Variants in GPR35 observed in about 807,000 individuals in gnomAD.
The protein encoded by GPR35 is KYNA receptor.
For synonymous variants in GPR35, 207 were observed against 198.4 expected, an observed-to-expected ratio of 1.04 and a Z score of -0.36; for missense variants, 372 against 422.5, an observed-to-expected ratio of 0.88 and a Z score of 1.05.
At chr2:240,606,188 C>G (rs1038572982) in intron 1 of GPR35, among the ~76,000 whole-genome samples, 1 of 152,208 alleles carries the variant, frequency 6.6e-6, no homozygotes, top group Admixed American at 6.5e-5. Flanking sequence ...GGGAACATGG[C>G]ACCAGGTTTA....
chr2:240,624,889 G>A (rs2043351511), upstream of GPR35, among the ~76,000 whole-genome samples: 1 of 152,182 alleles, frequency 6.6e-6, no homozygotes, highest in East Asian at 1.9e-4. Flanking sequence ...CTTGGAGGAG[G>A]GGCCGGTGGC....
In GPR35 at chr2:240,609,964, CT is replaced by C. The variant is rs879882240; in HGVS notation, c.-577+3365del. Among the ~76,000 whole-genome samples the C allele has an allele frequency of 3.7e-3, 529 of 144,376 alleles. 2 individuals carry two copies. The highest frequency in any genetic ancestry group is 0.035 in the Middle Eastern group (10 of 282). The allele number at this position is 144,376 out of a possible 152,430, so 94.7% of individuals were successfully genotyped here. A position where few individuals can be genotyped will look rare whatever the true frequency, so the allele number is the denominator to read the frequency against. ...TGACCCTTTTTTCATATGAAATATC[CT>C]TTTTTTTTTTTTGAGATGGAGTCTC... On this transcript the variant is annotated intron_variant, in intron 2 of 5. Transcript: ENST00000319838.
chr2:240,613,995 A>G (rs367889592), intron 2 of GPR35, among the ~76,000 whole-genome samples: 5 of 151,090 alleles, frequency 3.3e-5, no homozygotes, highest in Non-Finnish European at 7.4e-5. Context: ...ACCAACTACA[A>G]CCCTAACCCT....
At chr2:240,624,009 T>TA (rs2043339237), upstream of GPR35, among the ~76,000 whole-genome samples, 1 of 93,492 alleles carries the variant, frequency 1.1e-5, no homozygotes, top group South Asian at 3.3e-4. Flanking sequence ...GGCCTGGTGG[T>TA]GGGGGGGGTG....
At chr2:240,613,323 G>T (rs1024724622) in intron 2 of GPR35, among the ~76,000 whole-genome samples, 2 of 152,128 alleles carry the variant, frequency 1.3e-5, no homozygotes, top group Non-Finnish European at 2.9e-5. Context: ...GGTGGAGAGG[G>T]GAGTGTTGGA....
rs1228450091 is a variant in GPR35, at chr2:240,619,062, G to T, written c.-5+31G>T. The T allele has an allele frequency of 5.7e-6, 4 of 697,440 alleles. 1 individual carries two copies. In the Admixed American group the frequency reaches 8.2e-5, roughly 14 times the overall value. The allele number at this position is 697,440 out of a possible 1,614,324, so 43.2% of individuals were successfully genotyped here. ...TACATTCCTAGAAGTGGGGTTATTG[G>T]GTCAAAGAGTAAATGCATCTCTAAT... On this transcript the variant is annotated intron_variant, in intron 5 of 5. Coordinates refer to the GPR35 transcript ENST00000319838.
At chr2:240,624,391 G>GA (rs1190725683), upstream of GPR35, among the ~76,000 whole-genome samples, 3 of 152,218 alleles carry the variant, frequency 2.0e-5, no homozygotes, top group African/African-American at 7.2e-5. Context: ...ACAGCAGGAG[G>GA]AAGCAGGAAG....
At chr2:240,622,893 C>A (rs1462226508), upstream of GPR35, among the ~76,000 whole-genome samples, 1 of 152,200 alleles carries the variant, frequency 6.6e-6, no homozygotes, top group African/African-American at 2.4e-5. Context: ...ACAGCAGGAC[C>A]CTGGCTGCCA....
rs530704201 is a variant in GPR35, at chr2:240,631,748, G to A, written c.*866G>A. Among the ~76,000 whole-genome samples, 44 of 152,326 alleles carry A rather than the reference G, an allele frequency of 2.9e-4. No homozygotes were observed. Among genetic ancestry groups the A allele is most frequent in the Non-Finnish European group, 5.3e-4 (36 of 68,028 alleles). ...TCTGCCTCTCCTGTACTCCTGCATG[G>A]AGGGCATCTCGAAACCCAAGCTGGA... On this transcript the variant is annotated 3_prime_UTR_variant, in exon 2 of 2. Coordinates refer to ENST00000407714, the MANE Select transcript of GPR35 (RefSeq NM_005301.5).
chr2:240,629,978 G>T lies in GPR35; in HGVS notation c.26G>T (p.Gly9Val). Reference protein sequence around the residue: MNGTYNTCGSSDLTWPPAI... With the variant: MNGTYNTCVSSDLTWPPAI... ...ATGAATGGCACCTACAACACCTGTG[G>T]CTCCAGCGACCTCACCTGGCCCCCA... The change falls in exon 2 of 2, where the codon GGC becomes GTC. Residue 9 changes from glycine (G) to valine (V), a missense_variant. Coordinates refer to ENST00000407714, the MANE Select transcript of GPR35 (RefSeq NM_005301.5). The T allele has an allele frequency of 4.4e-6, 7 of 1,607,894 alleles. No homozygotes were observed. The highest frequency in any genetic ancestry group is 5.1e-6 in the Non-Finnish European group (6 of 1,175,862).
In GPR35 at chr2:240,630,691, G is replaced by A. The variant is rs1432910114; in HGVS notation, c.739G>A (p.Ala247Thr). ...AGTGCGCCTCGCAGTGGGCTGGAAC[G>A]CCTGTGCCCTCCTGGAGACGATCCG... is the stretch of plus-strand genomic sequence containing the variant. ...LTVRLAVGWN[A>T]CALLETIRRA... Residue 247 changes from alanine to threonine, a missense_variant, in exon 2 of 2, where the codon GCC (alanine) becomes ACC (threonine). By Grantham distance (58) the Ala-to-Thr change is moderately conservative. Coordinates refer to ENST00000407714, the MANE Select transcript of GPR35 (RefSeq NM_005301.5). 6.8e-6 allele frequency: 11 copies of A among 1,613,314 alleles called. No homozygotes were observed. The highest frequency in any genetic ancestry group is 3.3e-5 in the Admixed American group (2 of 60,012).
chr2:240,614,224 C>A lies in GPR35; in HGVS notation c.-576-2164C>A, dbSNP rs551646259. On this transcript the variant is annotated intron_variant, in intron 2 of 5. Transcript: ENST00000319838. ...GACCATAACCTGGCTCAAACCCTAA[C>A]CTGAACCCTAACCCTAAGCCTTGTA... is the stretch of plus-strand genomic sequence containing the variant. Among the ~76,000 whole-genome samples, 4 of 152,222 alleles carry A rather than the reference C, an allele frequency of 2.6e-5. No individual in the cohort carries two copies. The East Asian group carries it at 7.7e-4, about 29-fold the overall frequency.
rs867844133 is a variant in GPR35 at position 240,632,835 on chromosome 2, T to C, written c.*1953T>C. Reference sequence around the variant, plus strand: ...GAGTCCATACCCAGGAGGGCTGATATGGTTAGGCTTTGTGTCTCCACCCAA... The same window carrying C: ...GAGTCCATACCCAGGAGGGCTGATACGGTTAGGCTTTGTGTCTCCACCCAA... On this transcript the variant is annotated 3_prime_UTR_variant, in exon 2 of 2. Transcript: ENST00000407714. 9.8e-5 allele frequency among the ~76,000 whole-genome samples: 15 copies of C among 152,340 alleles called. No individual in the cohort carries two copies. The highest frequency in any genetic ancestry group is 3.4e-3 in the Middle Eastern group (1 of 294).
Position 240,630,299 on chromosome 2 carries a change from T to C in GPR35, c.347T>C (p.Val116Ala), listed in dbSNP as rs1331409019. The change falls in exon 2 of 2, where the codon GTG becomes GCG. Residue 116 changes from valine (V) to alanine (A), a missense_variant. By Grantham distance (64) the Val-to-Ala change is moderately conservative. Transcript: ENST00000407714. ...ACGGCCATCGCCGTGGACCGCTATG[T>C]GGCCGTGCGGCACCCGCTGCGTGCC... The part of the protein sequence containing the change: ...LVTAIAVDRY[V>A]AVRHPLRARG... 1 of 1,576,896 alleles carries C rather than the reference T, an allele frequency of 6.3e-7. No individual in the cohort carries two copies. The highest frequency in any genetic ancestry group is 1.2e-5 in the South Asian group (1 of 86,928).
chr2:240,623,397 CGTG>C (rs1559437624), upstream of GPR35, among the ~76,000 whole-genome samples: 129 of 76,278 alleles, frequency 1.7e-3, 4 homozygotes, highest in East Asian at 3.1e-3. Flanking sequence ...GCAAACAGGT[CGTG>C]AGGGCGCAAA....
chr2:240,607,829 T>C (rs1194799397), intron 2 of GPR35, among the ~76,000 whole-genome samples: 1 of 152,022 alleles, frequency 6.6e-6, no homozygotes. Flanking sequence ...CTTTTTCTTC[T>C]TTCTCCTCCT....
chr2:240,629,780 TGGAGTTCTTTAC>T, intron 1 of GPR35, 157 bp from the exon 2 acceptor site: 1 of 601,462 alleles, frequency 1.7e-6, no homozygotes, highest in South Asian at 2.0e-5. Context: ...AAGGGTGACT[TGGAGTTCTTTAC>T]GGCACCCATG....
intron 2 of GPR35, among the ~76,000 whole-genome samples, chr2:240,613,110 G>A (rs2043202076): frequency 6.6e-6 from 1 of 152,224 alleles, no homozygotes; most frequent in African/African-American, 2.4e-5. Flanking sequence ...GAGCCTGATA[G>A]CTCAGGGACC....
upstream of GPR35, among the ~76,000 whole-genome samples, chr2:240,621,554 A>G (rs2125482149): frequency 6.6e-6 from 1 of 152,240 alleles, no homozygotes; most frequent in East Asian, 1.9e-4. Context: ...CACCCAGCCA[A>G]TGTGTTGTTT....
Sources: gnomAD v4.1 joint callset for allele counts (sites outside exome capture counted in the v4.1 genomes callset) on GRCh38, gnomAD v4.1.1 for gene constraint, MANE v1.5 for transcripts, NCBI Gene and HGNC (gene_info 2026-07-23, HGNC 2026-07-21) for gene names.